Variants in ADCY10 observed in about 807,000 individuals in gnomAD.
The protein encoded by ADCY10 is adenylate cyclase 10.
Under a neutral mutation model 183.3 loss-of-function variants are expected in ADCY10, and 156 were observed. That is an observed-to-expected ratio of 0.85 (90% CI 0.75 to 0.97). The LOEUF (loss-of-function observed/expected upper bound fraction) is 0.97. ADCY10 is among the 50% of genes least tolerant of loss of function. The probability of loss-of-function intolerance (pLI) is 0.00; values close to 1 mark genes in which losing one functional copy is unlikely to be tolerated. For synonymous variants in ADCY10, 645 were observed against 670.0 expected (o/e 0.96, Z 0.58); for missense variants, 1,745 against 1,934.3 (o/e 0.90, Z 1.84).
chr1:167,811,355 G>A (rs987566655), intron 31 of ADCY10, among the ~76,000 whole-genome samples: 15 of 152,252 alleles, frequency 9.9e-5, no homozygotes, highest in African/African-American at 3.1e-4. Context: ...TTGGGAGGCC[G>A]AGGTGGGTGG....
At chr1:167,880,724 T>C in intron 9 of ADCY10, 115 bp from the exon 10 acceptor site, 1 of 761,770 alleles carries the variant, frequency 1.3e-6, no homozygotes, top group Non-Finnish European at 2.4e-6. Context: ...TCAGATTTTA[T>C]CATGATTTCT....
Position 167,875,144 on chromosome 1 carries a change from A to T in ADCY10, c.1449T>A (p.Asp483Glu). 1 of 1,614,198 alleles carries T rather than the reference A, an allele frequency of 6.2e-7. No homozygotes were observed. The part of the protein sequence containing the change: ...MACLICNRKE[D>E]YPLLGRNKEI... ...CCTACTACCTACCCAGCAAAGGGTAATCCTCCTTTCTGTTGCAGATGAGGC... is the reference window on the plus strand; with the variant it reads ...CCTACTACCTACCCAGCAAAGGGTATTCCTCCTTTCTGTTGCAGATGAGGC... The change falls in exon 13 of 33, where the codon GAT (aspartate) becomes GAA (glutamate). Residue 483 changes from aspartate to glutamate, a missense_variant. Physicochemically the swap from Asp to Glu is conservative, Grantham distance 45. Transcript: ENST00000367851.
At chr1:167,840,464 C>G (rs947091887) in intron 21 of ADCY10, among the ~76,000 whole-genome samples, 5 of 151,194 alleles carry the variant, frequency 3.3e-5, no homozygotes, top group Admixed American at 2.0e-4. Context: ...TCAAGCGATT[C>G]TCCTGCCTCA....
chr1:167,898,607 TA>T lies in ADCY10; in HGVS notation c.642+815del, dbSNP rs1219407302. Among the ~76,000 whole-genome samples, 402 of 94,920 alleles carry T rather than the reference TA, an allele frequency of 4.2e-3. 1 individual carries two copies. The highest frequency in any genetic ancestry group is 8.9e-3 in the Admixed American group (84 of 9,410). The allele number at this position is 94,920 out of a possible 152,430, so 62.3% of individuals were successfully genotyped here. ...GAGCGAGACTCCGTTTTTTTTTTTTTAAAAAAAGAATGATTGAAGAGCATGG... is the reference window on the plus strand; with the variant it reads ...GAGCGAGACTCCGTTTTTTTTTTTTTAAAAAAGAATGATTGAAGAGCATGG... On this transcript the variant is annotated intron_variant, in intron 6 of 32. Coordinates refer to ENST00000367851, the MANE Select transcript of ADCY10 (RefSeq NM_018417.6).
intron 25 of ADCY10, among the ~76,000 whole-genome samples, chr1:167,830,757 T>C (rs1663663754): frequency 6.6e-6 from 1 of 152,126 alleles, no homozygotes; most frequent in African/African-American, 2.4e-5. Flanking sequence ...CCAAAATCAC[T>C]AAGGAAAACT....
At chr1:167,898,066 A>T (rs1051479631) in intron 6 of ADCY10, among the ~76,000 whole-genome samples, 2 of 150,702 alleles carry the variant, frequency 1.3e-5, no homozygotes, top group African/African-American at 4.9e-5. Context: ...CAGTCCTGGA[A>T]CATTCCACTA....
In ADCY10 at chr1:167,818,284, GA is replaced by G; in HGVS notation, c.4287-18del. 1 of 1,610,094 alleles carries G rather than the reference GA, an allele frequency of 6.2e-7. No individual in the cohort carries two copies. The highest frequency in any genetic ancestry group is 8.5e-7 in the Non-Finnish European group (1 of 1,176,416). ...CTGGCATACCTGCATTACCACAAGA[GA>G]ATAAGAAAAATCAGTATCACCCATT... On this transcript the variant is annotated intron_variant, in intron 30 of 32. Coordinates refer to ENST00000367851, the MANE Select transcript of ADCY10 (RefSeq NM_018417.6).
chr1:167,829,106 A>G (rs954543416), intron 26 of ADCY10, among the ~76,000 whole-genome samples, 161 bp downstream of exon 26: 5 of 152,206 alleles, frequency 3.3e-5, no homozygotes, highest in African/African-American at 9.6e-5. Flanking sequence ...GTGATCCTGG[A>G]GCCAAAGTGT....
At chr1:167,871,598 A>C (rs912365958) in intron 13 of ADCY10, among the ~76,000 whole-genome samples, 4 of 152,258 alleles carry the variant, frequency 2.6e-5, no homozygotes, top group African/African-American at 4.8e-5. Context: ...TTGAGAGCTA[A>C]CTATTCCTTC....
intron 5 of ADCY10, among the ~76,000 whole-genome samples, chr1:167,900,586 G>A (rs1475538134): frequency 6.6e-6 from 1 of 151,988 alleles, no homozygotes; most frequent in African/African-American, 2.4e-5. Flanking sequence ...AGGCTGGAGT[G>A]CAATGGCGCC....
intron 25 of ADCY10, among the ~76,000 whole-genome samples, chr1:167,831,928 C>T (rs1327968034): frequency 3.3e-5 from 5 of 152,148 alleles, no homozygotes; most frequent in Admixed American, 1.3e-4. Flanking sequence ...TGAACATCTC[C>T]CAGCCCTTCC....
At chr1:167,894,101 G>C (rs1668795792) in intron 7 of ADCY10, among the ~76,000 whole-genome samples, 160 bp from the exon 8 acceptor site, 1 of 152,128 alleles carries the variant, frequency 6.6e-6, no homozygotes, top group Admixed American at 6.5e-5. Flanking sequence ...AAGGGCCAGG[G>C]GAAATCCAAA....
At chr1:167,870,807 A>G (rs1257197045) in intron 13 of ADCY10, among the ~76,000 whole-genome samples, 1 of 123,016 alleles carries the variant, frequency 8.1e-6, no homozygotes, top group South Asian at 2.3e-4. Context: ...AACTCCATCT[A>G]AAAAAAAAAA....
At chr1:167,813,178 A>C (rs546777601) in intron 31 of ADCY10, among the ~76,000 whole-genome samples, 15 of 152,300 alleles carry the variant, frequency 9.8e-5, no homozygotes, top group African/African-American at 2.6e-4. Context: ...AGTAAGATAA[A>C]CTTAAAGAGA....
At position 167,833,878 on chromosome 1, in the gene ADCY10, G is replaced by A. The variant is rs899966642; in HGVS notation, c.3417+92C>T. 5.1e-6 allele frequency: 5 copies of A among 982,842 alleles called. No homozygotes were observed. In the African/African-American group the frequency reaches 6.4e-5, roughly 13 times the overall value. The allele number at this position is 982,842 out of a possible 1,614,324, so 60.9% of individuals were successfully genotyped here. ...TAGAAGTCTGTGGCAAGAGATGGGA[G>A]GAGGGTGTAGAAAGTATAGGGATGA... On this transcript the variant is annotated intron_variant, in intron 24 of 32. Transcript: ENST00000367851.
intron 30 of ADCY10, chr1:167,819,926 T>C (rs1428268316): frequency 1.8e-6 from 2 of 1,083,954 alleles, no homozygotes; most frequent in Non-Finnish European, 2.8e-6. Flanking sequence ...AAACATCTTC[T>C]CCAGGCCATC....
rs77875361 is a variant in ADCY10 at position 167,878,458 on chromosome 1, C to A, written c.1394G>T (p.Arg465Leu). ...GCTCCACACTCACACTTTCTCAGTA[C>A]GGCCCCAATACTGATACAATGGTCC... ...DSGPLYQYWG[R>L]TEKVMFGMAC... Residue 465 changes from arginine to leucine, a missense_variant, in exon 12 of 33, where the codon CGT becomes CTT. Transcript: ENST00000367851. The A allele has an allele frequency of 5.6e-6, 9 of 1,613,862 alleles. No individual in the cohort carries two copies. Among genetic ancestry groups the A allele is most frequent in the Non-Finnish European group, 7.6e-6 (9 of 1,179,944 alleles).
At chr1:167,868,627 GA>G (rs112983923) in intron 14 of ADCY10, among the ~76,000 whole-genome samples, 48,001 of 151,948 alleles carry the variant, frequency 0.32, 8,628 homozygotes, top group African/African-American at 0.5. Flanking sequence ...CTGACCAGTG[GA>G]CAGGTAGTTG....
In ADCY10 at chr1:167,880,242, G is replaced by A. The variant is rs189563281; in HGVS notation, c.1140-51C>T. 1.1e-4 allele frequency: 158 copies of A among 1,456,642 alleles called. No homozygotes were observed. The East Asian group carries it at 1.8e-3, about 16-fold the overall frequency. 90.2% of individuals were successfully genotyped at this position (1,456,642 alleles called of 1,614,324 possible). On this transcript the variant is annotated intron_variant, in intron 10 of 32. Coordinates refer to ENST00000367851, the MANE Select transcript of ADCY10 (RefSeq NM_018417.6). ...GGGGAAAGAAATAAAGATAATGAGC[G>A]TAGAGAAAGTGGGAAGGGTGGGAAA...
Sources: allele counts gnomAD v4.1 joint callset (sites outside exome capture counted in the v4.1 genomes callset), GRCh38; gene constraint gnomAD v4.1.1; transcripts MANE v1.5; gene names NCBI Gene and HGNC (gene_info 2026-07-23, HGNC 2026-07-21).